The following CSMD3 variants were observed in gnomAD, a reference collection of about 807,000 sequenced individuals.
CSMD3 encodes the protein CUB and Sushi multiple domains 3, also known as CUB and sushi domain-containing protein 3.
In CSMD3, 177 loss-of-function variants were observed where a neutral mutation model predicts 435.2. That is an observed-to-expected ratio of 0.41 (90% CI 0.36 to 0.46). The LOEUF (loss-of-function observed/expected upper bound fraction) is 0.46, where lower values mean the gene tolerates loss of function less well. Among genes scored for constraint, CSMD3 ranks in the 20% least tolerant of loss-of-function variants. The pLI is 0.34. For synonymous variants in CSMD3, 1,656 were observed against 1,520.5 expected (o/e 1.09, Z -2.07); for missense variants, 4,265 against 4,504.6 (o/e 0.95, Z 1.52).
chr8:112,434,733 A>G (rs1205343193), intron 32 of CSMD3, among the ~76,000 whole-genome samples: 1 of 152,102 alleles, frequency 6.6e-6, no homozygotes, highest in Non-Finnish European at 1.5e-5. Flanking sequence ...ACAAGGATAC[A>G]TTGTTTTATA....
chr8:112,600,048 G>A (rs1245772280), intron 22 of CSMD3, among the ~76,000 whole-genome samples: 1 of 151,728 alleles, frequency 6.6e-6, no homozygotes, highest in Non-Finnish European at 1.5e-5. Context: ...TACAGAGGTG[G>A]AGGGTGACTG....
chr8:113,203,209 A>G (rs1049897174), intron 3 of CSMD3, among the ~76,000 whole-genome samples: 2 of 152,180 alleles, frequency 1.3e-5, no homozygotes, highest in African/African-American at 4.8e-5. Flanking sequence ...AATTATATGT[A>G]TTGAAACATC....
At chr8:113,138,578 G>A (rs1440484810) in intron 4 of CSMD3, among the ~76,000 whole-genome samples, 3 of 151,254 alleles carry the variant, frequency 2.0e-5, no homozygotes, top group Non-Finnish European at 4.4e-5. Flanking sequence ...TATATTTACT[G>A]CAAATACAAT....
At chr8:112,747,934 G>T (rs1476021504) in intron 13 of CSMD3, among the ~76,000 whole-genome samples, 1 of 133,076 alleles carries the variant, frequency 7.5e-6, no homozygotes, top group Non-Finnish European at 1.5e-5. Flanking sequence ...CAGCACTCCC[G>T]CCTGGGCGAC....
rs747001430 is a variant in CSMD3, at chr8:112,390,786, G to T, written c.5812C>A (p.Pro1938Thr). 6.2e-7 allele frequency: 1 copy of T among 1,613,366 alleles called. No homozygotes were observed. Among genetic ancestry groups the T allele is most frequent in the Non-Finnish European group, 8.5e-7 (1 of 1,179,446 alleles). ...CGCTTAGTTAAAATTCCACCACAGG[G>T]CACTGAAAATAAAGCAGTCCAAGAG... ...WNDSLPTCIV[P>T]CGGILTKRKG... The change falls in exon 36 of 71, where the codon CCC becomes ACC. Residue 1938 changes from proline (P) to threonine (T), a missense_variant and splice_region_variant. This residue lies in a region of CSMD3 where 3,255 missense variants were observed against 3,380.2 expected (regional missense o/e 0.96). Transcript: ENST00000297405.
intron 3 of CSMD3, among the ~76,000 whole-genome samples, chr8:113,195,351 G>A (rs761212771): frequency 4.5e-4 from 68 of 150,062 alleles, no homozygotes; most frequent in Non-Finnish European, 8.1e-4. Flanking sequence ...AGAACCCTTG[G>A]TATTACAAGT....
At chr8:112,912,080 G>A (rs977842751) in intron 10 of CSMD3, among the ~76,000 whole-genome samples, 3 of 146,642 alleles carry the variant, frequency 2.0e-5, no homozygotes, top group Non-Finnish European at 4.5e-5. Context: ...AGATCAAGGA[G>A]TTTTATATAT....
intron 6 of CSMD3, among the ~76,000 whole-genome samples, chr8:113,004,674 G>T (rs2085990644): frequency 6.6e-6 from 1 of 151,786 alleles, no homozygotes; most frequent in Non-Finnish European, 1.5e-5. Context: ...CTAACACAAT[G>T]AAAAAAGTTA....
At chr8:113,210,611 C>T (rs1198156230) in intron 3 of CSMD3, among the ~76,000 whole-genome samples, 1 of 152,022 alleles carries the variant, frequency 6.6e-6, no homozygotes, top group East Asian at 1.9e-4. Context: ...GGCGCAGTGG[C>T]TTAGACCTGT....
intron 5 of CSMD3, among the ~76,000 whole-genome samples, chr8:113,077,114 A>G (rs1330079454): frequency 1.3e-5 from 2 of 152,110 alleles, no homozygotes; most frequent in African/African-American, 4.8e-5. Context: ...AAATATATAT[A>G]CACATACACA....
chr8:112,397,365 T>C (rs1830939914), intron 35 of CSMD3, among the ~76,000 whole-genome samples: 1 of 152,188 alleles, frequency 6.6e-6, no homozygotes, highest in Admixed American at 6.6e-5. Flanking sequence ...AGGAAGAATA[T>C]TTTTAAAACG....
intron 59 of CSMD3, among the ~76,000 whole-genome samples, chr8:112,279,429 A>G (rs1349975285): frequency 3.3e-5 from 5 of 152,194 alleles, no homozygotes; most frequent in African/African-American, 1.2e-4. Context: ...GTGCCCATTG[A>G]CCTATAGCAC....
chr8:113,074,190 C>T lies in CSMD3; in HGVS notation c.917+24566G>A, dbSNP rs180832291. On this transcript the variant is annotated intron_variant, in intron 5 of 70. Coordinates refer to ENST00000297405, the MANE Select transcript of CSMD3 (RefSeq NM_198123.2). The stretch of plus-strand genomic sequence containing the variant: ...AGACACACACACACACACACACACA[C>T]GCCACCTTGCTTTCTGTTGATCTGT... Among the ~76,000 whole-genome samples, 872 of 151,044 alleles carry T rather than the reference C, an allele frequency of 5.8e-3. 3 individuals are homozygous for T. The highest frequency in any genetic ancestry group is 0.019 in the African/African-American group (771 of 41,228).
intron 6 of CSMD3, among the ~76,000 whole-genome samples, chr8:112,978,973 A>C (rs1435250513): frequency 6.6e-6 from 1 of 151,978 alleles, no homozygotes; most frequent in Non-Finnish European, 1.5e-5. Context: ...GAATATGATT[A>C]TAATTGTTAC....
At chr8:113,099,034 C>T in intron 4 of CSMD3, 71 bp from the exon 5 acceptor site, 1 of 955,690 alleles carries the variant, frequency 1.0e-6, no homozygotes. Flanking sequence ...GTAAGTAAAG[C>T]AAGTCAATAT....
chr8:112,966,083 A>G (rs971502750), intron 7 of CSMD3, among the ~76,000 whole-genome samples: 16 of 151,808 alleles, frequency 1.1e-4, no homozygotes, highest in Non-Finnish European at 2.1e-4. Flanking sequence ...GCATACAATG[A>G]TCAATATTTG....
chr8:112,281,108 A>C, intron 59 of CSMD3, 66 bp downstream of exon 59: 7 of 1,223,648 alleles, frequency 5.7e-6, no homozygotes, highest in Non-Finnish European at 8.3e-6. Context: ...AACACACAAA[A>C]ATACTTATAT....
chr8:112,938,272 A>T (rs1428837271), intron 9 of CSMD3, among the ~76,000 whole-genome samples: 4 of 152,186 alleles, frequency 2.6e-5, no homozygotes, highest in Admixed American at 2.0e-4. Context: ...AACAATATGT[A>T]ACATTTCTCC....
intron 5 of CSMD3, among the ~76,000 whole-genome samples, chr8:113,067,190 A>C (rs530906812): frequency 6.6e-6 from 1 of 152,154 alleles, no homozygotes; most frequent in Non-Finnish European, 1.5e-5. Context: ...CATTCTACTA[A>C]GATCCAGACT....
Sources: gnomAD v4.1 joint callset for allele counts (sites outside exome capture counted in the v4.1 genomes callset) on GRCh38, gnomAD v4.1.1 for gene constraint, gnomAD v4.1.1 regional missense constraint, MANE v1.5 for transcripts, NCBI Gene and HGNC (gene_info 2026-07-23, HGNC 2026-07-21) for gene names.